The following VWA3B variants were observed in gnomAD, a reference collection of about 807,000 sequenced individuals.
VWA3B encodes the protein von Willebrand factor A domain-containing protein 3B.
Under a neutral mutation model 158.3 loss-of-function variants are expected in VWA3B, and 138 were observed. The ratio of observed to expected loss-of-function variants is 0.87; its 90% CI spans 0.76 to 1.00. The LOEUF (loss-of-function observed/expected upper bound fraction) is 1.00. Ranked by LOEUF, VWA3B falls within the 50% of genes least tolerant of loss-of-function variation. The pLI is 0.00. For missense variants in VWA3B, 1,555 were observed against 1,565.1 expected (o/e 0.99, Z 0.11); for synonymous variants, 596 against 587.3 (o/e 1.01, Z -0.21).
At chr2:98,326,900 T>C in the VWA3B span, among the ~76,000 whole-genome samples, 1 of 151,898 alleles carries the variant, frequency 6.6e-6, no homozygotes, top group African/African-American at 2.4e-5. Flanking sequence ...ATTCTCAACC[T>C]GAAGCTTTGA....
intron 14 of VWA3B, among the ~76,000 whole-genome samples, chr2:98,227,413 G>T (rs886973061): frequency 6.6e-6 from 1 of 152,200 alleles, no homozygotes; most frequent in African/African-American, 2.4e-5. Context: ...CAGGAGGAAT[G>T]AAAGCCGACG....
intron 21 of VWA3B, among the ~76,000 whole-genome samples, chr2:98,263,365 A>C (rs1332391831): frequency 1.3e-5 from 2 of 151,886 alleles, no homozygotes; most frequent in African/African-American, 4.8e-5. Flanking sequence ...CCAATCTTTC[A>C]TTATTAAGTA....
intron 21 of VWA3B, 48 bp from the exon 22 acceptor site, chr2:98,270,634 G>T: frequency 6.4e-7 from 1 of 1,561,550 alleles, no homozygotes; most frequent in Non-Finnish European, 8.7e-7. Flanking sequence ...CATTTTCTTT[G>T]CTTTTTGTTT....
chr2:98,157,035 A>AT (rs1288566539), intron 7 of VWA3B, among the ~76,000 whole-genome samples: 2 of 152,126 alleles, frequency 1.3e-5, no homozygotes, highest in Non-Finnish European at 2.9e-5. Context: ...TTACATTTGC[A>AT]TTTTACAGTG....
At chr2:98,133,701 C>G (rs1249378112) in intron 6 of VWA3B, 123 bp from the exon 7 acceptor site, 3 of 751,416 alleles carry the variant, frequency 4.0e-6, no homozygotes, top group Non-Finnish European at 6.9e-6. Context: ...GAAGCAGTGA[C>G]CATGGCTAAG....
intron 7 of VWA3B, among the ~76,000 whole-genome samples, chr2:98,149,695 G>A (rs1339395887): frequency 6.6e-6 from 1 of 152,204 alleles, no homozygotes; most frequent in Non-Finnish European, 1.5e-5. Context: ...CTGTTACTTA[G>A]GTTTGGAAAG....
intron 2 of VWA3B, among the ~76,000 whole-genome samples, chr2:98,113,461 C>T (rs942501838): frequency 1.3e-5 from 2 of 152,058 alleles, no homozygotes; most frequent in South Asian, 2.1e-4. Context: ...TATAAGTAGA[C>T]CCATGCAGTT....
At chr2:98,096,940 G>A (rs1682757321) in intron 2 of VWA3B, among the ~76,000 whole-genome samples, 1 of 151,792 alleles carries the variant, frequency 6.6e-6, no homozygotes, top group African/African-American at 2.4e-5. Flanking sequence ...GTAAAACATT[G>A]GGTTGTTTAT....
intron 8 of VWA3B, among the ~76,000 whole-genome samples, chr2:98,175,522 T>C (rs1359710272): frequency 6.6e-6 from 1 of 152,042 alleles, no homozygotes; most frequent in African/African-American, 2.4e-5. Flanking sequence ...GGTTACCCAG[T>C]CTGAAGAACA....
intron 21 of VWA3B, among the ~76,000 whole-genome samples, chr2:98,265,534 T>C (rs1012767427): frequency 6.6e-6 from 1 of 151,966 alleles, no homozygotes. Flanking sequence ...AGCAGCATGA[T>C]TTATAGACCT....
chr2:98,147,714 A>G (rs1473705566), intron 7 of VWA3B, among the ~76,000 whole-genome samples: 1 of 151,306 alleles, frequency 6.6e-6, no homozygotes, highest in African/African-American at 2.4e-5. Flanking sequence ...TTTAATTATT[A>G]TTATACTTTA....
chr2:98,222,652 A>T (rs984735574), intron 14 of VWA3B, among the ~76,000 whole-genome samples: 1 of 152,148 alleles, frequency 6.6e-6, no homozygotes, highest in African/African-American at 2.4e-5. Flanking sequence ...GGGAGGTACC[A>T]AGAGACACCT....
intron 6 of VWA3B, 51 bp from the exon 7 acceptor site, chr2:98,133,773 G>C: frequency 6.6e-7 from 1 of 1,515,852 alleles, no homozygotes; most frequent in Non-Finnish European, 9.2e-7. Flanking sequence ...GAACAAGCAT[G>C]CACGGACACC....
intron 2 of VWA3B, among the ~76,000 whole-genome samples, chr2:98,115,354 T>C (rs1395191936): frequency 6.6e-6 from 1 of 152,154 alleles, no homozygotes; most frequent in Non-Finnish European, 1.5e-5. Context: ...AATGATGAGT[T>C]GATGGTTGCA....
At chr2:98,123,255 G>C (rs1019703590) in intron 5 of VWA3B, among the ~76,000 whole-genome samples, 2 of 152,184 alleles carry the variant, frequency 1.3e-5, no homozygotes, top group African/African-American at 2.4e-5. Context: ...CACCTAGACT[G>C]TTCCTACTGA....
rs769181243 is a variant in VWA3B at position 98,235,428 on chromosome 2, C to CT, written c.2428+676dup. Among the ~76,000 whole-genome samples, 1,158 of 142,382 alleles carry CT rather than the reference C, an allele frequency of 8.1e-3. 3 individuals carry two copies. The highest frequency in any genetic ancestry group is 0.015 in the East Asian group (76 of 4,946). 93.4% of individuals were successfully genotyped at this position (142,382 alleles called of 152,430 possible). ...TGATCTGTCTGATATCTTTTCCTCA[C>CT]TTTTTTTTTTTTTTTGAGGTAGAGT... On this transcript the variant is annotated intron_variant, in intron 17 of 27. Coordinates refer to ENST00000477737, the MANE Select transcript of VWA3B (RefSeq NM_144992.5).
rs185471534 is a variant in VWA3B at position 98,214,269 on chromosome 2, A to T, written c.1836+2241A>T. On this transcript the variant is annotated intron_variant, in intron 13 of 27. Coordinates refer to ENST00000477737, the MANE Select transcript of VWA3B (RefSeq NM_144992.5). ...AAAAATTTGAATCACTCATAATTGA[A>T]TTTTGTGGGTTTTTTTCCCATCTAA... 6.5e-3 allele frequency among the ~76,000 whole-genome samples: 986 copies of T among 152,148 alleles called. 6 individuals are homozygous for T. The highest frequency in any genetic ancestry group is 0.023 in the African/African-American group (939 of 41,536).
At chr2:98,270,943 T>G in intron 22 of VWA3B, 60 bp downstream of exon 22, 1 of 1,527,520 alleles carries the variant, frequency 6.5e-7, no homozygotes, top group Non-Finnish European at 9.0e-7. Flanking sequence ...GTCATTGCCA[T>G]TCCTACATTG....
At chr2:98,230,235 T>G in intron 16 of VWA3B, 28 bp downstream of exon 16, 6 of 1,507,854 alleles carry the variant, frequency 4.0e-6, no homozygotes, top group Non-Finnish European at 5.3e-6. Context: ...GGCTTGACTC[T>G]TTGCTGGTTT....
Sources: allele counts gnomAD v4.1 joint callset (sites outside exome capture counted in the v4.1 genomes callset), GRCh38; gene constraint gnomAD v4.1.1; transcripts MANE v1.5; gene names NCBI Gene and HGNC (gene_info 2026-07-23, HGNC 2026-07-21).